The following MACF1 variants were observed in gnomAD, a reference collection of about 807,000 sequenced individuals.
MACF1 encodes microtubule-actin cross-linking factor 1.
MACF1 carries 193 observed loss-of-function variants against 854.8 expected under a neutral mutation model. The ratio of observed to expected loss-of-function variants is 0.23; its 90% confidence interval spans 0.20 to 0.25. The LOEUF is 0.25. MACF1 is among the 10% of genes least tolerant of loss of function. MACF1 has a pLI of 1.00. For missense variants in MACF1, 7,722 were observed against 8,929.1 expected (o/e 0.86, Z 5.45); for synonymous variants, 3,185 against 3,226.7 (o/e 0.99, Z 0.44).
intron 99 of MACF1, among the ~76,000 whole-genome samples, chr1:39,483,601 CAA>C (rs1645055275): frequency 6.6e-6 from 1 of 152,194 alleles, no homozygotes; most frequent in African/African-American, 2.4e-5. Flanking sequence ...GAAATGAAGT[CAA>C]AGAGGCAGGA....
At position 39,468,716 on chromosome 1, in the gene MACF1, A is replaced by G; in HGVS notation, c.21873A>G (p.Lys7291=). The G allele has an allele frequency of 6.2e-7, 1 of 1,614,148 alleles. No homozygotes were observed. Among genetic ancestry groups the G allele is most frequent in the South Asian group, 1.1e-5 (1 of 91,086 alleles). The change falls in exon 96 of 101, where the codon AAA becomes AAG. Residue 7291 remains lysine, a synonymous_variant. Coordinates refer to ENST00000564288, the MANE Select transcript of MACF1 (RefSeq NM_001394062.1). ...TGGCCTTGGATGAATTTTTAGTGAA[A>G]AATGATCCCTGCCGAGGTAAGGAAC... The part of the protein sequence containing the change: ...GWMALDEFLV[K]NDPCRVHHPG...
At position 39,303,034 on chromosome 1, in the gene MACF1, C is replaced by A. The variant is rs368207735; in HGVS notation, c.2745C>A (p.Phe915Leu). The A allele has an allele frequency of 1.1e-5, 17 of 1,614,070 alleles. No individual in the cohort carries two copies. The highest frequency in any genetic ancestry group is 1.4e-5 in the Non-Finnish European group (17 of 1,180,020). ...GNEAMVPSVC[F>L]LIPPPNKDAI... ...AGGCAATGGTGCCGTCAGTCTGCTT[C>A]CTCATCCCCCCACCCAATAAGGATG... is the stretch of plus-strand genomic sequence containing the variant. The change falls in exon 23 of 101, where the codon TTC becomes TTA. Residue 915 changes from phenylalanine (F) to leucine (L), a missense_variant. Phe to Leu is a conservative substitution (Grantham distance 22, BLOSUM62 0). Around this residue, in one of 15 missense-constraint regions of MACF1, gnomAD observed 1,137 missense variants for 1,263.0 expected, o/e 0.90. Transcript: ENST00000564288.
rs568134251 is a variant in MACF1, at chr1:39,151,694, C to G, written c.220+67256C>G. Among the ~76,000 whole-genome samples, 33 of 152,324 alleles carry G rather than the reference C, an allele frequency of 2.2e-4. 1 individual carries two copies. The highest frequency in any genetic ancestry group is 7.9e-4 in the African/African-American group (33 of 41,570). ...CCTTTGGAAATCCTTACCTAGGCCA[C>G]TAGGCTTCCTTTTTGCTTTGCTTCT... is the stretch of plus-strand genomic sequence containing the variant. On this transcript the variant is annotated intron_variant, in intron 2 of 93. Coordinates refer to the MACF1 transcript ENST00000361689.
intron 97 of MACF1, among the ~76,000 whole-genome samples, chr1:39,473,542 G>A (rs149987255): frequency 6.6e-6 from 1 of 152,244 alleles, no homozygotes; most frequent in Non-Finnish European, 1.5e-5. Flanking sequence ...CAAGAGAGCC[G>A]GTCACACAGC....
intron 26 of MACF1, among the ~76,000 whole-genome samples, chr1:39,312,041 T>G (rs966743738): frequency 6.6e-6 from 1 of 152,170 alleles, no homozygotes; most frequent in South Asian, 2.1e-4. Flanking sequence ...TTTTTACTTT[T>G]CTATAGGGTG....
chr1:39,466,844 G>A (rs918020043), intron 95 of MACF1, among the ~76,000 whole-genome samples: 1 of 152,226 alleles, frequency 6.6e-6, no homozygotes, highest in African/African-American at 2.4e-5. Flanking sequence ...CAGATGAAAG[G>A]TGTGGGACTT....
At position 39,385,618 on chromosome 1, in the gene MACF1, T is replaced by C. The variant is rs772349900; in HGVS notation, c.14033T>C (p.Ile4678Thr). 13 of 1,613,994 alleles carry C rather than the reference T, an allele frequency of 8.1e-6. No homozygotes were observed. The Middle Eastern group carries it at 4.9e-4, about 61-fold the overall frequency. ...AAACTCAACTCCCGTTCCAGCCAAA[T>C]TGACCAAGCTATTGTTAAGAGCACC... Reference protein sequence around the residue: ...TDKLNSRSSQIDQAIVKSTQY... With the variant: ...TDKLNSRSSQTDQAIVKSTQY... The change falls in exon 57 of 101, where the codon ATT becomes ACT. Residue 4678 changes from isoleucine to threonine, a missense_variant. This residue lies in a region of MACF1 where 2,807 missense variants were observed against 3,235.8 expected (regional missense o/e 0.87). Coordinates refer to ENST00000564288, the MANE Select transcript of MACF1 (RefSeq NM_001394062.1).
At chr1:39,289,451 A>G (rs1435573540) in intron 15 of MACF1, among the ~76,000 whole-genome samples, 1 of 152,176 alleles carries the variant, frequency 6.6e-6, no homozygotes, top group Non-Finnish European at 1.5e-5. Flanking sequence ...GTGAGATGAT[A>G]TCACATTGTA....
At chr1:39,087,303 A>C (rs1641697171) in intron 2 of MACF1, among the ~76,000 whole-genome samples, 1 of 152,120 alleles carries the variant, frequency 6.6e-6, no homozygotes, top group South Asian at 2.1e-4. Context: ...CACCAAATAG[A>C]GATCTTCCCT....
Position 39,448,077 on chromosome 1 carries a change from A to G in MACF1, c.20013A>G (p.Ala6671=), listed in dbSNP as rs768763074. 2.2e-5 allele frequency: 35 copies of G among 1,613,992 alleles called. No homozygotes were observed. Among genetic ancestry groups the G allele is most frequent in the Admixed American group, 1.5e-4 (9 of 59,998 alleles). The change falls in exon 83 of 101, where the codon GCA becomes GCG. Residue 6671 remains alanine (A), a synonymous_variant. Coordinates refer to ENST00000564288, the MANE Select transcript of MACF1 (RefSeq NM_001394062.1). ...WKKLIDWLED[A]ESHLDSELEI... is the part of the protein sequence containing the mutation. ...AACTGATTGACTGGCTAGAAGATGC[A>G]GAGAGTCACCTGGACTCAGAACTAG...
chr1:39,369,624 G>A (rs925677470), intron 50 of MACF1, among the ~76,000 whole-genome samples: 5 of 152,076 alleles, frequency 3.3e-5, no homozygotes, highest in African/African-American at 9.7e-5. Context: ...CCTCAGTTTC[G>A]GCACCTTCCT....
intron 43 of MACF1, among the ~76,000 whole-genome samples, chr1:39,352,710 G>A (rs1180689605): frequency 6.6e-6 from 1 of 151,404 alleles, no homozygotes; most frequent in East Asian, 1.9e-4. Flanking sequence ...GTAGAGATGG[G>A]GTTTCACCGT....
At chr1:39,149,610 A>G (rs1643534010) in intron 2 of MACF1, among the ~76,000 whole-genome samples, 1 of 152,184 alleles carries the variant, frequency 6.6e-6, no homozygotes, top group African/African-American at 2.4e-5. Context: ...TTTGGGAGGA[A>G]AGATACGGAT....
intron 2 of MACF1, among the ~76,000 whole-genome samples, chr1:39,100,673 G>C (rs1642047104): frequency 1.3e-5 from 2 of 152,000 alleles, no homozygotes. Context: ...GGCCAACAAG[G>C]TGAAACCCCA....
At position 39,333,373 on chromosome 1, in the gene MACF1, A is replaced by G; in HGVS notation, c.6785A>G (p.Glu2262Gly). The G allele has an allele frequency of 2.5e-6, 4 of 1,614,134 alleles. No homozygotes were observed. The highest frequency in any genetic ancestry group is 3.4e-6 in the Non-Finnish European group (4 of 1,179,996). The change falls in exon 37 of 101, where the codon GAG (glutamate) becomes GGG (glycine). Residue 2262 changes from glutamate (E) to glycine (G), a missense_variant. Coordinates refer to ENST00000564288, the MANE Select transcript of MACF1 (RefSeq NM_001394062.1). Reference protein sequence around the residue: ...GSMMMSEKTDEEDSGREIFLS... With the variant: ...GSMMMSEKTDGEDSGREIFLS... The stretch of plus-strand genomic sequence containing the variant: ...ATGATGATGTCAGAAAAGACCGATG[A>G]GGAAGATAGTGGCAGGGAAATTTTT...
At chr1:39,158,963 C>T (rs1344866691) in intron 2 of MACF1, among the ~76,000 whole-genome samples, 1 of 152,166 alleles carries the variant, frequency 6.6e-6, no homozygotes, top group Non-Finnish European at 1.5e-5. Flanking sequence ...CTCAACTGGG[C>T]CGGGCATGAA....
Position 39,283,125 on chromosome 1 carries a change from TTGTGTAAACTCA to T in MACF1, c.696-58_696-47del. On this transcript the variant is annotated intron_variant, in intron 7 of 100. Transcript: ENST00000564288. This position sits in a 1 kb window ranked among gnomAD's most constrained non-coding sequence, Gnocchi z 4.5. ...TCTGGGAACTTTCAGGAGGTTTTCT[TTGTGTAAACTCA>T]TGTGTGATGTGTAGATGGTGGCGTT... The T allele has an allele frequency of 9.8e-7, 1 of 1,016,724 alleles. No homozygotes were observed. The highest frequency in any genetic ancestry group is 1.5e-6 in the Non-Finnish European group (1 of 657,312). 63.0% of individuals were successfully genotyped at this position (1,016,724 alleles called of 1,614,324 possible). A position where few individuals can be genotyped will look rare whatever the true frequency, so the allele number is the denominator to read the frequency against.
intron 43 of MACF1, among the ~76,000 whole-genome samples, chr1:39,351,421 A>G (rs369253564): frequency 6.6e-6 from 1 of 152,238 alleles, no homozygotes; most frequent in Admixed American, 6.5e-5. Context: ...GTCCAGGAGG[A>G]GTTTAAGTCA....
chr1:39,412,132 G>A (rs772733037), intron 58 of MACF1: 10 of 1,613,996 alleles, frequency 6.2e-6, no homozygotes, highest in Non-Finnish European at 8.5e-6. Flanking sequence ...CATTGCTTCT[G>A]AGCTGGCCAA....
Sources: gnomAD v4.1 joint callset for allele counts (sites outside exome capture counted in the v4.1 genomes callset) on GRCh38, gnomAD v4.1.1 for gene constraint, gnomAD v4.1.1 regional missense constraint, Gnocchi (gnomAD v3.1) non-coding constraint, MANE v1.5 for transcripts, NCBI Gene and HGNC (gene_info 2026-07-23, HGNC 2026-07-21) for gene names.